The following LRRTM4 variants were observed in gnomAD, a reference collection of about 807,000 sequenced individuals.
LRRTM4 encodes the protein leucine-rich repeat transmembrane neuronal protein 4.
LRRTM4 carries 25 observed loss-of-function variants against 47.6 expected under a neutral mutation model. The ratio of observed to expected loss-of-function variants is 0.53; its 90% CI spans 0.38 to 0.73. LRRTM4 has a LOEUF of 0.73. Among genes scored for constraint, LRRTM4 ranks in the 30% least tolerant of loss-of-function variants. The probability of loss-of-function intolerance (pLI) is 0.00; values close to 1 mark genes in which losing one functional copy is unlikely to be tolerated. For synonymous variants in LRRTM4, 311 were observed against 269.5 expected (o/e 1.15, Z -1.51); for missense variants, 638 against 713.4 (o/e 0.89, Z 1.20).
intron 3 of LRRTM4, among the ~76,000 whole-genome samples, chr2:77,030,354 A>G (rs1367809185): frequency 2.6e-5 from 4 of 152,158 alleles, no homozygotes; most frequent in Non-Finnish European, 5.9e-5. Flanking sequence ...GAATCGCTTG[A>G]ACTGGGAGGC....
intron 3 of LRRTM4, among the ~76,000 whole-genome samples, chr2:77,166,769 C>G (rs1016229844): frequency 1.3e-5 from 2 of 152,128 alleles, no homozygotes; most frequent in African/African-American, 4.8e-5. Context: ...AAAGCTGAAA[C>G]TGGATCCCTT....
chr2:76,897,234 C>G (rs896493095), intron 3 of LRRTM4, among the ~76,000 whole-genome samples: 1 of 152,102 alleles, frequency 6.6e-6, no homozygotes, highest in African/African-American at 2.4e-5. Context: ...ACCTTCCATG[C>G]TGCATTTAGA....
At chr2:76,984,012 T>C (rs982505209) in intron 3 of LRRTM4, among the ~76,000 whole-genome samples, 2 of 152,098 alleles carry the variant, frequency 1.3e-5, no homozygotes, top group Non-Finnish European at 2.9e-5. Context: ...TGTGACTACC[T>C]GAATACCTTC....
At position 77,045,789 on chromosome 2, in the gene LRRTM4, A is replaced by T. The variant is rs141944000; in HGVS notation, c.1552-296873T>A. On this transcript the variant is annotated intron_variant, in intron 3 of 3. Coordinates refer to ENST00000409884, the MANE Select transcript of LRRTM4 (RefSeq NM_001134745.3). ...TTTTGTAAATTGCTCAGTCTTGGGT[A>T]AGTGTTTATCAGCAGCATGAAAATG... 3.3e-5 allele frequency among the ~76,000 whole-genome samples: 5 copies of T among 152,022 alleles called. No individual in the cohort carries two copies. In the East Asian group the frequency reaches 9.7e-4, roughly 30 times the overall value.
chr2:76,747,849 T>C lies in LRRTM4; in HGVS notation c.*846A>G, dbSNP rs1317832910. Reference sequence around the variant, plus strand: ...TTTGTCAGCTTGGCAGTTTCATTCATTGAGCCCATGGTCATATCTCTCTTA... The same window carrying C: ...TTTGTCAGCTTGGCAGTTTCATTCACTGAGCCCATGGTCATATCTCTCTTA... On this transcript the variant is annotated 3_prime_UTR_variant, in exon 4 of 4. Coordinates refer to ENST00000409884, the MANE Select transcript of LRRTM4 (RefSeq NM_001134745.3). 6.6e-6 allele frequency: 1 copy of C among 152,248 alleles called. No homozygotes were observed. Among genetic ancestry groups the C allele is most frequent in the Non-Finnish European group, 1.5e-5 (1 of 68,042 alleles). 9.4% of individuals were successfully genotyped at this position (152,248 alleles called of 1,614,324 possible). A position where few individuals can be genotyped will look rare whatever the true frequency, so the allele number is the denominator to read the frequency against.
chr2:77,301,150 A>C (rs1168328310), intron 3 of LRRTM4, among the ~76,000 whole-genome samples: 1 of 152,086 alleles, frequency 6.6e-6, no homozygotes. Flanking sequence ...GTACTTCAAA[A>C]TTAGATGCTT....
intron 3 of LRRTM4, among the ~76,000 whole-genome samples, chr2:76,928,879 TTAATA>T (rs1242751469): frequency 6.6e-6 from 1 of 152,166 alleles, no homozygotes; most frequent in African/African-American, 2.4e-5. Context: ...TAAAATCATA[TTAATA>T]TATTTCCTGT....
Position 77,366,331 on chromosome 2 carries a change from T to G in LRRTM4, c.1551+151987A>C, listed in dbSNP as rs150619518. On this transcript the variant is annotated intron_variant, in intron 3 of 3. Coordinates refer to ENST00000409884, the MANE Select transcript of LRRTM4 (RefSeq NM_001134745.3). ...GACTTCCAAGACACGTTTTTGTCCC[T>G]ATTTTTCTCTAGTTATTCCTTCTGT... is the stretch of plus-strand genomic sequence containing the variant. Among the ~76,000 whole-genome samples, 1,474 of 152,024 alleles carry G rather than the reference T, an allele frequency of 9.7e-3. 29 individuals are homozygous for G. The highest frequency in any genetic ancestry group is 0.034 in the African/African-American group (1,411 of 41,518).
At chr2:77,396,611 A>T (rs147673957) in intron 3 of LRRTM4, among the ~76,000 whole-genome samples, 4,078 of 152,074 alleles carry the variant, frequency 0.027, 78 homozygotes, top group South Asian at 0.091. Context: ...TCTTTCACTG[A>T]TATAAATGTA....
At chr2:76,828,540 TAA>T (rs1671248384) in intron 3 of LRRTM4, among the ~76,000 whole-genome samples, 1 of 151,948 alleles carries the variant, frequency 6.6e-6, no homozygotes. Context: ...TGAGAAAGGA[TAA>T]GAGAAATGTG....
Position 77,337,161 on chromosome 2 carries a change from C to T in LRRTM4, c.1551+181157G>A, listed in dbSNP as rs113568193. Among the ~76,000 whole-genome samples the T allele has an allele frequency of 4.7e-3, 717 of 152,112 alleles. 5 individuals are homozygous for T. The highest frequency in any genetic ancestry group is 0.016 in the African/African-American group (671 of 41,508). On this transcript the variant is annotated intron_variant, in intron 3 of 3. Transcript: ENST00000409884. The stretch of plus-strand genomic sequence containing the variant: ...TAAAATACCTAAAAGTACATCTAAC[C>T]AAGGAGGTGAAAGTTATCTTCGAAG...
intron 3 of LRRTM4, among the ~76,000 whole-genome samples, chr2:77,035,705 G>T (rs1191936813): frequency 6.6e-6 from 1 of 151,738 alleles, no homozygotes; most frequent in Non-Finnish European, 1.5e-5. Flanking sequence ...GCTGTTGCAT[G>T]CATCAATAGT....
chr2:77,026,799 TTAGAC>T (rs1678469441), intron 3 of LRRTM4, among the ~76,000 whole-genome samples: 1 of 152,086 alleles, frequency 6.6e-6, no homozygotes, highest in Non-Finnish European at 1.5e-5. Flanking sequence ...AGCCACAATG[TTAGAC>T]TGTAGAAATA....
chr2:76,796,158 A>G (rs1271979248), intron 3 of LRRTM4, among the ~76,000 whole-genome samples: 1 of 144,316 alleles, frequency 6.9e-6, no homozygotes, highest in Admixed American at 6.9e-5. Flanking sequence ...CATGGCTCGC[A>G]GGGTCCTACG....
At chr2:77,167,476 C>T (rs1672919368) in intron 3 of LRRTM4, among the ~76,000 whole-genome samples, 1 of 152,188 alleles carries the variant, frequency 6.6e-6, no homozygotes, top group African/African-American at 2.4e-5. Context: ...GATTATAAAT[C>T]ATGCTGCTAT....
At chr2:77,082,426 T>C (rs1558568855) in intron 3 of LRRTM4, among the ~76,000 whole-genome samples, 4 of 152,072 alleles carry the variant, frequency 2.6e-5, no homozygotes. Flanking sequence ...TAGAAACAAA[T>C]ATTAATTTTA....
intron 3 of LRRTM4, among the ~76,000 whole-genome samples, chr2:76,814,179 C>G (rs1397287046): frequency 3.9e-5 from 6 of 151,962 alleles, no homozygotes; most frequent in African/African-American, 1.4e-4. Context: ...TTCATCCAAT[C>G]TATTTATTAT....
chr2:76,942,565 A>T (rs1050891597), intron 3 of LRRTM4, among the ~76,000 whole-genome samples: 1 of 146,536 alleles, frequency 6.8e-6, no homozygotes, highest in African/African-American at 2.5e-5. Flanking sequence ...ATGAATTTTT[A>T]TTACAAAAAT....
At chr2:76,891,568 CAAATACGAATGA>C (rs910625221) in intron 3 of LRRTM4, among the ~76,000 whole-genome samples, 13 of 150,388 alleles carry the variant, frequency 8.6e-5, no homozygotes, top group African/African-American at 3.2e-4. Flanking sequence ...AAAAAAAATC[CAAATACGAATGA>C]AAATTTAGCA....
Sources: allele counts gnomAD v4.1 joint callset (sites outside exome capture counted in the v4.1 genomes callset), GRCh38; gene constraint gnomAD v4.1.1; transcripts MANE v1.5; gene names NCBI Gene and HGNC (gene_info 2026-07-23, HGNC 2026-07-21).